The following CNTN4 variants were observed in gnomAD, a reference collection of about 807,000 sequenced individuals.
The protein encoded by CNTN4 is contactin 4.
Under a neutral mutation model 122.5 loss-of-function variants are expected in CNTN4, and 77 were observed. The observed-to-expected ratio is 0.63, with a 90% CI of 0.52 to 0.76. The LOEUF (loss-of-function observed/expected upper bound fraction) is 0.76. Among genes scored for constraint, CNTN4 ranks in the 30% least tolerant of loss-of-function variants. CNTN4 has a pLI of 0.00. For missense variants in CNTN4, 1,256 were observed against 1,259.1 expected (o/e 1.00, Z 0.04); for synonymous variants, 512 against 447.0 (o/e 1.15, Z -1.83).
At chr3:2,984,504 C>T (rs1310797365) in intron 13 of CNTN4, among the ~76,000 whole-genome samples, 1 of 152,120 alleles carries the variant, frequency 6.6e-6, no homozygotes, top group Non-Finnish European at 1.5e-5. Context: ...TTGTTCAGTC[C>T]AAAATGTCGT....
intron 13 of CNTN4, among the ~76,000 whole-genome samples, chr3:2,968,811 T>G (rs925789447): frequency 2.0e-5 from 3 of 152,180 alleles, no homozygotes; most frequent in Non-Finnish European, 4.4e-5. Context: ...ACCCCCTTCT[T>G]CTGGTGTTTC....
At chr3:2,968,000 A>C (rs2125068625) in intron 13 of CNTN4, among the ~76,000 whole-genome samples, 1 of 152,232 alleles carries the variant, frequency 6.6e-6, no homozygotes, top group South Asian at 2.1e-4. Flanking sequence ...TTCAGTTGAA[A>C]GTTAGGGAAG....
chr3:2,310,082 C>T (rs1057478783), intron 2 of CNTN4, among the ~76,000 whole-genome samples: 1 of 152,054 alleles, frequency 6.6e-6, no homozygotes, highest in Non-Finnish European at 1.5e-5. Flanking sequence ...CAATCAAATA[C>T]TGCAGTAGTT....
At chr3:2,677,522 C>G (rs775696126) in intron 4 of CNTN4, among the ~76,000 whole-genome samples, 4 of 138,654 alleles carry the variant, frequency 2.9e-5, no homozygotes, top group Non-Finnish European at 6.4e-5. Context: ...ATCTATCTAT[C>G]TGTAGAGAGA....
intron 4 of CNTN4, among the ~76,000 whole-genome samples, chr3:2,585,239 T>A (rs1429391686): frequency 3.3e-5 from 5 of 151,946 alleles, no homozygotes; most frequent in African/African-American, 9.7e-5. Flanking sequence ...ACACTGTTGG[T>A]GGGACTGTAA....
chr3:2,977,557 T>C (rs1693541833), intron 13 of CNTN4, among the ~76,000 whole-genome samples: 1 of 151,332 alleles, frequency 6.6e-6, no homozygotes, highest in African/African-American at 2.4e-5. Flanking sequence ...TTAGCTGCTG[T>C]TGGGGAAAAG....
intron 6 of CNTN4, among the ~76,000 whole-genome samples, chr3:2,811,517 G>A (rs1364999490): frequency 1.3e-5 from 2 of 151,082 alleles, no homozygotes; most frequent in African/African-American, 4.9e-5. Flanking sequence ...CTAGAGTGCA[G>A]TGGCCTGATC....
chr3:2,635,644 C>A (rs1472950354), intron 4 of CNTN4, among the ~76,000 whole-genome samples: 1 of 152,216 alleles, frequency 6.6e-6, no homozygotes, highest in African/African-American at 2.4e-5. Context: ...CTGCCCTGCT[C>A]ATTGCCTATT....
chr3:2,415,263 A>C (rs1356175663), intron 3 of CNTN4, among the ~76,000 whole-genome samples: 2 of 152,204 alleles, frequency 1.3e-5, no homozygotes, highest in African/African-American at 4.8e-5. Flanking sequence ...TTCAAGGAGC[A>C]ACAGTATTTT....
intron 3 of CNTN4, among the ~76,000 whole-genome samples, chr3:2,530,449 C>G (rs939584167): frequency 6.6e-5 from 10 of 151,870 alleles, no homozygotes; most frequent in Non-Finnish European, 4.4e-5. Flanking sequence ...GCTGGGATTA[C>G]AGATGCGCGC....
rs181857853 is a variant in CNTN4, at chr3:2,855,959, C to A, written c.455-10793C>A. On this transcript the variant is annotated intron_variant, in intron 7 of 24. Transcript: ENST00000418658. ...AGGTTTTTTTTGTTGTTATTTTTTC[C>A]CTCCTCTGATTTCAGTGAATTTGAT... 6.5e-3 allele frequency among the ~76,000 whole-genome samples: 985 copies of A among 151,968 alleles called. 12 individuals carry two copies. Among genetic ancestry groups the A allele is most frequent in the African/African-American group, 0.023 (946 of 41,440 alleles).
chr3:2,238,620 T>C (rs2039774944), intron 2 of CNTN4, among the ~76,000 whole-genome samples: 1 of 151,876 alleles, frequency 6.6e-6, no homozygotes, highest in African/African-American at 2.4e-5. Flanking sequence ...ATAAAATGTA[T>C]GTATTTTGCT....
chr3:2,858,066 G>T (rs551604378), intron 7 of CNTN4, among the ~76,000 whole-genome samples: 1 of 152,168 alleles, frequency 6.6e-6, no homozygotes, highest in Non-Finnish European at 1.5e-5. Flanking sequence ...TAGAGGCTAT[G>T]GCAAACTGGA....
At chr3:2,934,158 A>G (rs2094548440) in intron 13 of CNTN4, among the ~76,000 whole-genome samples, 1 of 152,182 alleles carries the variant, frequency 6.6e-6, no homozygotes, top group Non-Finnish European at 1.5e-5. Flanking sequence ...GCCACTGTGG[A>G]CCAGTTTTGA....
At chr3:2,368,750 G>A (rs72994070) in intron 3 of CNTN4, among the ~76,000 whole-genome samples, 142 of 152,200 alleles carry the variant, frequency 9.3e-4, no homozygotes, top group South Asian at 3.9e-3. Flanking sequence ...TCAAGTGTAT[G>A]GTTATGACTA....
At chr3:2,580,575 CTGA>C (rs2079890458) in intron 4 of CNTN4, among the ~76,000 whole-genome samples, 1 of 152,176 alleles carries the variant, frequency 6.6e-6, no homozygotes, top group South Asian at 2.1e-4. Context: ...ACTCCCCTTG[CTGA>C]TTTTAATCAG....
rs1257485094 is a variant in CNTN4, at chr3:2,695,424, T to C, written c.56-40791T>C. ...ACATTACACACCCTACCCCCAAGCC[T>C]CACCTTTTTCAGACCAAGTATATAG... On this transcript the variant is annotated intron_variant, in intron 4 of 24. Coordinates refer to ENST00000418658, the MANE Select transcript of CNTN4 (RefSeq NM_175607.3). 2.0e-5 allele frequency among the ~76,000 whole-genome samples: 3 copies of C among 152,222 alleles called. No individual in the cohort carries two copies. The East Asian group carries it at 5.8e-4, about 29-fold the overall frequency.
chr3:2,507,074 A>G (rs1314094338), intron 3 of CNTN4, among the ~76,000 whole-genome samples: 1 of 152,196 alleles, frequency 6.6e-6, no homozygotes, highest in African/African-American at 2.4e-5. Context: ...CTTCCAAGGC[A>G]AAACAGTTTA....
intron 6 of CNTN4, among the ~76,000 whole-genome samples, chr3:2,791,525 C>A (rs2092009534): frequency 7.8e-6 from 1 of 127,828 alleles, no homozygotes; most frequent in South Asian, 2.7e-4. Context: ...GGAGTGAGAT[C>A]CTGTCTCAAA....
Sources: allele counts gnomAD v4.1 joint callset (sites outside exome capture counted in the v4.1 genomes callset), GRCh38; gene constraint gnomAD v4.1.1; transcripts MANE v1.5; gene names NCBI Gene and HGNC (gene_info 2026-07-23, HGNC 2026-07-21).